Variants in TSHZ2 observed in about 807,000 individuals in gnomAD.
TSHZ2 encodes the protein teashirt zinc finger homeobox 2, also known as teashirt homolog 2.
A neutral mutation model predicts 74.4 loss-of-function variants in TSHZ2; 21 were observed. The observed-to-expected ratio is 0.28, with a 90% CI of 0.20 to 0.41. The LOEUF (loss-of-function observed/expected upper bound fraction) is 0.41, where lower values mean the gene tolerates loss of function less well. TSHZ2 is among the 10% of genes least tolerant of loss of function. TSHZ2 has a pLI of 1.00. For synonymous variants in TSHZ2, 540 were observed against 515.3 expected, an observed-to-expected ratio of 1.05 and a Z score of -0.65; for missense variants, 1,244 against 1,293.5, an observed-to-expected ratio of 0.96 and a Z score of 0.59.
chr20:53,120,766 A>C (rs527424288), intron 1 of TSHZ2, among the ~76,000 whole-genome samples: 1 of 152,334 alleles, frequency 6.6e-6, no homozygotes, highest in African/African-American at 2.4e-5. Context: ...AAGAGCAACA[A>C]TTTGAATTCC....
intron 2 of TSHZ2, among the ~76,000 whole-genome samples, chr20:53,383,873 A>G (rs2145644470): frequency 6.6e-6 from 1 of 152,302 alleles, no homozygotes; most frequent in East Asian, 1.9e-4. Context: ...ATCCTGGAAA[A>G]TTACCAGGAT....
chr20:53,005,165 A>C (rs996670716), intron 1 of TSHZ2, among the ~76,000 whole-genome samples: 1 of 152,022 alleles, frequency 6.6e-6, no homozygotes, highest in African/African-American at 2.4e-5. Context: ...TACAAAAAAA[A>C]TTAGCCAGGT....
chr20:53,021,296 T>A (rs867825951), intron 1 of TSHZ2, among the ~76,000 whole-genome samples: 1 of 152,162 alleles, frequency 6.6e-6, no homozygotes, highest in African/African-American at 2.4e-5. Flanking sequence ...TAGGAACTTG[T>A]TAGAAATTCA....
intron 1 of TSHZ2, among the ~76,000 whole-genome samples, chr20:53,214,956 T>A (rs147599239): frequency 5.2e-4 from 79 of 151,962 alleles, no homozygotes; most frequent in African/African-American, 1.7e-3. Context: ...AGATAAGAGT[T>A]CATGGGGAGA....
chr20:53,315,588 C>T (rs184418788), intron 2 of TSHZ2, among the ~76,000 whole-genome samples: 165 of 152,264 alleles, frequency 1.1e-3, no homozygotes, highest in African/African-American at 3.7e-3. Context: ...AAGATAGGTT[C>T]CTTTCTCCTT....
chr20:53,154,197 A>G (rs962218660), intron 1 of TSHZ2, among the ~76,000 whole-genome samples: 11 of 152,234 alleles, frequency 7.2e-5, no homozygotes, highest in African/African-American at 2.7e-4. Context: ...GGGACTTGAA[A>G]AAGAGCTTTA....
In TSHZ2 at chr20:53,256,378, G is replaced by T. The variant is rs368884253; in HGVS notation, c.2920G>T (p.Val974Leu). The T allele has an allele frequency of 1.2e-6, 2 of 1,613,328 alleles. No homozygotes were observed. Among genetic ancestry groups the T allele is most frequent in the South Asian group, 1.1e-5 (1 of 91,044 alleles). ...CAAGGTGGAGCAAGAGATCTCCCGG[G>T]TATCGTCGGCTCAGAGGTCTCCAGA... ...QSKVEQEISR[V>L]SSAQRSPETI... is the part of the protein sequence containing the mutation. Residue 974 changes from valine to leucine, a missense_variant, in exon 2 of 3, where the codon GTA (valine) becomes TTA (leucine). Physicochemically the swap from Val to Leu is conservative, Grantham distance 32 (BLOSUM62 1). This residue lies in a region of TSHZ2 where 185 missense variants were observed against 213.3 expected (regional missense o/e 0.87). Transcript: ENST00000371497. This position sits in a 1 kb window ranked among gnomAD's most constrained non-coding sequence, Gnocchi z 4.3.
Position 53,256,135 on chromosome 20 carries a change from A to T in TSHZ2, c.2677A>T (p.Met893Leu). 1 of 1,613,992 alleles carries T rather than the reference A, an allele frequency of 6.2e-7. No individual in the cohort carries two copies. The highest frequency in any genetic ancestry group is 2.2e-5 in the East Asian group (1 of 44,880). The change falls in exon 2 of 3, where the codon ATG becomes TTG. Residue 893 changes from methionine to leucine, a missense_variant. Met to Leu is a conservative substitution (Grantham distance 15). Around this residue, in one of 6 missense-constraint regions of TSHZ2, gnomAD observed 185 missense variants for 213.3 expected, o/e 0.87. Coordinates refer to ENST00000371497, the MANE Select transcript of TSHZ2 (RefSeq NM_173485.6). This position sits in a 1 kb window ranked among gnomAD's most constrained non-coding sequence, Gnocchi z 4.3. Reference sequence around the variant, plus strand: ...AATCTCTAAGTTTACGGGACTCTCAATGACCACTATCAGTCACTGGCTGGC... The same window carrying T: ...AATCTCTAAGTTTACGGGACTCTCATTGACCACTATCAGTCACTGGCTGGC... ...MQISKFTGLS[M>L]TTISHWLANV...
At chr20:53,395,527 A>G (rs779688353) in intron 2 of TSHZ2, among the ~76,000 whole-genome samples, 1 of 152,244 alleles carries the variant, frequency 6.6e-6, no homozygotes, top group Non-Finnish European at 1.5e-5. Flanking sequence ...AATTATTAAG[A>G]CATTTTCCAG....
intron 2 of TSHZ2, among the ~76,000 whole-genome samples, chr20:53,480,560 C>A (rs1425362587): frequency 1.3e-5 from 2 of 151,132 alleles, no homozygotes; most frequent in Admixed American, 6.6e-5. Context: ...GAGCAAGACC[C>A]TACCTTCTAA....
At chr20:53,219,607 G>A (rs1258395940) in intron 1 of TSHZ2, among the ~76,000 whole-genome samples, 2 of 151,982 alleles carry the variant, frequency 1.3e-5, no homozygotes, top group East Asian at 1.9e-4. Context: ...CTGTTCCTTG[G>A]GTCACAAACT....
At chr20:53,466,003 T>C (rs1000121099) in intron 2 of TSHZ2, among the ~76,000 whole-genome samples, 1 of 150,908 alleles carries the variant, frequency 6.6e-6, no homozygotes, top group African/African-American at 2.4e-5. Context: ...TCCCAGCACT[T>C]TGGGGGGCCC....
At chr20:53,042,672 A>AACT (rs1984084109) in intron 1 of TSHZ2, among the ~76,000 whole-genome samples, 1 of 150,880 alleles carries the variant, frequency 6.6e-6, no homozygotes, top group African/African-American at 2.4e-5. Flanking sequence ...CCATGCTATT[A>AACT]ACTACTACAC....
At chr20:53,246,050 T>TTTTTTTTTTTTGTTTG (rs1568832069) in intron 1 of TSHZ2, among the ~76,000 whole-genome samples, 4 of 150,052 alleles carry the variant, frequency 2.7e-5, no homozygotes, top group African/African-American at 9.9e-5. Context: ...CTTTTTTTTT[T>TTTTTTTTTTTTGTTTG]TTTGTTTGAG....
At chr20:53,345,791 C>T (rs6022409) in intron 2 of TSHZ2, among the ~76,000 whole-genome samples, 1,669 of 151,602 alleles carry the variant, frequency 0.011, 23 homozygotes, top group African/African-American at 0.038. Flanking sequence ...CCCCTCCCCA[C>T]TTCTCAGCAT....
intron 1 of TSHZ2, among the ~76,000 whole-genome samples, chr20:53,060,184 G>T (rs1984773463): frequency 6.6e-6 from 1 of 152,076 alleles, no homozygotes; most frequent in Non-Finnish European, 1.5e-5. Flanking sequence ...CGGCCATTAA[G>T]AAACTAAAGA....
chr20:53,033,651 CTTTTTTTTTTT>C lies in TSHZ2; in HGVS notation c.40+60333_40+60343del, dbSNP rs61445726. 5.1e-5 allele frequency among the ~76,000 whole-genome samples: 3 copies of C among 59,020 alleles called. 1 individual carries two copies. Among genetic ancestry groups the C allele is most frequent in the Admixed American group, 3.2e-4 (1 of 3,148 alleles). 38.7% of individuals were successfully genotyped at this position (59,020 alleles called of 152,430 possible). A position where few individuals can be genotyped will look rare whatever the true frequency, so the allele number is the denominator to read the frequency against. ...GCCCTCTGCATTGATTGATAAAAAG[CTTTTTTTTTTT>C]TTTTTTTTTTTTTTGGAGACAGGGT... On this transcript the variant is annotated intron_variant, in intron 1 of 2. Transcript: ENST00000371497.
At chr20:53,451,023 T>A (rs1432388093) in intron 2 of TSHZ2, among the ~76,000 whole-genome samples, 4 of 152,126 alleles carry the variant, frequency 2.6e-5, no homozygotes, top group Admixed American at 6.5e-5. Context: ...AGTACACACT[T>A]TGGAAAACAG....
chr20:53,382,982 C>T (rs1250519390), intron 2 of TSHZ2, among the ~76,000 whole-genome samples: 5 of 152,294 alleles, frequency 3.3e-5, no homozygotes, highest in South Asian at 2.1e-4. Flanking sequence ...ACTTTCTCAC[C>T]GGGCACAGTG....
Sources: gnomAD v4.1 joint callset for allele counts (sites outside exome capture counted in the v4.1 genomes callset) on GRCh38, gnomAD v4.1.1 for gene constraint, gnomAD v4.1.1 regional missense constraint, Gnocchi (gnomAD v3.1) non-coding constraint, MANE v1.5 for transcripts, NCBI Gene and HGNC (gene_info 2026-07-23, HGNC 2026-07-21) for gene names.